UBL3: variants seen among roughly 807,000 people sequenced by gnomAD.
UBL3 encodes the protein ubiquitin-like protein 3.
UBL3 carries 6 observed loss-of-function variants against 18.4 expected under a neutral mutation model. The observed-to-expected ratio is 0.33, with a 90% CI of 0.18 to 0.64. UBL3 has a LOEUF of 0.64. Ranked by LOEUF, UBL3 falls within the 30% of genes least tolerant of loss-of-function variation. The pLI is 0.76. For synonymous variants in UBL3, 49 were observed against 46.6 expected (o/e 1.05, Z -0.21); for missense variants, 109 against 142.9 (o/e 0.76, Z 1.21).
In UBL3 at chr13:29,849,801, G is replaced by C. The variant is rs769035750; in HGVS notation, c.-263C>G. 9.8e-5 allele frequency: 56 copies of C among 571,698 alleles called. 1 individual carries two copies. The Middle Eastern group carries it at 1.4e-3, about 14-fold the overall frequency. 35.4% of individuals were successfully genotyped at this position (571,698 alleles called of 1,614,324 possible). A position where few individuals can be genotyped will look rare whatever the true frequency, so the allele number is the denominator to read the frequency against. On this transcript the variant is annotated 5_prime_UTR_variant, in exon 1 of 5. Transcript: ENST00000380680. ...GGCAGCCCCCGTCGTCGTCGTCGTC[G>C]TCAACAGCAGCAGCAGCCCCAGGAC...
At chr13:29,837,896 C>A (rs1451757524) in intron 1 of UBL3, among the ~76,000 whole-genome samples, 1 of 134,044 alleles carries the variant, frequency 7.5e-6, no homozygotes, top group Non-Finnish European at 1.6e-5. Context: ...CACCACTGCA[C>A]ACCAGCAAGA....
chr13:29,838,445 CACT>C (rs1020323880), intron 1 of UBL3, among the ~76,000 whole-genome samples: 1 of 152,056 alleles, frequency 6.6e-6, no homozygotes, highest in African/African-American at 2.4e-5. Flanking sequence ...CTCTTATTAC[CACT>C]GTTATAATTA....
chr13:29,817,589 T>C (rs573993433), intron 1 of UBL3, among the ~76,000 whole-genome samples: 100 of 152,280 alleles, frequency 6.6e-4, no homozygotes, highest in African/African-American at 2.3e-3. Context: ...AGGTTTTCTA[T>C]TTTTTTCAAT....
chr13:29,823,745 G>A (rs1878539954), intron 1 of UBL3, among the ~76,000 whole-genome samples: 2 of 151,822 alleles, frequency 1.3e-5, no homozygotes, highest in African/African-American at 2.4e-5. Context: ...AAGTTCTAGG[G>A]TACATGCGCA....
At chr13:29,773,665 GTGTAA>G (rs1876905590) in intron 2 of UBL3, among the ~76,000 whole-genome samples, 1 of 151,920 alleles carries the variant, frequency 6.6e-6, no homozygotes, top group Admixed American at 6.6e-5. Flanking sequence ...TACTTCACTG[GTGTAA>G]TATGCTATCT....
chr13:29,782,783 G>A (rs868319530), intron 1 of UBL3, among the ~76,000 whole-genome samples: 1 of 152,176 alleles, frequency 6.6e-6, no homozygotes, highest in Non-Finnish European at 1.5e-5. Flanking sequence ...AACAGTAACT[G>A]TGTAAATACA....
Position 29,772,139 on chromosome 13 carries a change from A to T in UBL3, c.196T>A (p.Phe66Ile), listed in dbSNP as rs1876857964. Reference sequence around the variant, plus strand: ...CCTAATGTGACATTTCCATGTAGAAATCGTCCTTGATAAATAAGTCGTAGA... The same window carrying T: ...CCTAATGTGACATTTCCATGTAGAATTCGTCCTTGATAAATAAGTCGTAGA... ...NILRLIYQGR[F>I]LHGNVTLGAL... Residue 66 changes from phenylalanine (F) to isoleucine (I), a missense_variant, in exon 3 of 5, where the codon TTT becomes ATT. Transcript: ENST00000380680. The T allele has an allele frequency of 6.2e-7, 1 of 1,611,948 alleles. No individual in the cohort carries two copies. Among genetic ancestry groups the T allele is most frequent in the Non-Finnish European group, 8.5e-7 (1 of 1,178,640 alleles).
At chr13:29,806,104 G>C (rs1462851800) in intron 1 of UBL3, among the ~76,000 whole-genome samples, 2 of 152,304 alleles carry the variant, frequency 1.3e-5, no homozygotes, top group Non-Finnish European at 2.9e-5. Flanking sequence ...TTGAGCCCAC[G>C]AGGCAGAGGT....
chr13:29,835,733 A>T (rs2761940), intron 1 of UBL3, among the ~76,000 whole-genome samples: 3 of 142,264 alleles, frequency 2.1e-5, no homozygotes, highest in African/African-American at 8.0e-5. Flanking sequence ...CCAGCCTGGC[A>T]ACAGAGCTAG....
chr13:29,769,451 C>T (rs1354124789), intron 3 of UBL3, among the ~76,000 whole-genome samples: 1 of 152,048 alleles, frequency 6.6e-6, no homozygotes, highest in Non-Finnish European at 1.5e-5. Flanking sequence ...TCTCCTATGA[C>T]ACAGTACAAT....
intron 1 of UBL3, among the ~76,000 whole-genome samples, chr13:29,840,819 G>A (rs1879078723): frequency 6.6e-6 from 1 of 152,146 alleles, no homozygotes; most frequent in Admixed American, 6.5e-5. Context: ...GCTTCTAAAT[G>A]CTCATGAATA....
At chr13:29,772,509 T>C (rs1394563538) in intron 2 of UBL3, among the ~76,000 whole-genome samples, 1 of 152,042 alleles carries the variant, frequency 6.6e-6, no homozygotes, top group African/African-American at 2.4e-5. Context: ...TAAAAAGAAA[T>C]ATCATTTTAA....
chr13:29,812,832 C>T (rs1284308385), intron 1 of UBL3, among the ~76,000 whole-genome samples: 1 of 151,950 alleles, frequency 6.6e-6, no homozygotes, highest in African/African-American at 2.4e-5. Flanking sequence ...AGGTAAAACA[C>T]TATCAATAAT....
intron 1 of UBL3, among the ~76,000 whole-genome samples, chr13:29,831,465 G>A (rs539147770): frequency 7.2e-5 from 11 of 152,138 alleles, no homozygotes; most frequent in African/African-American, 2.6e-4. Flanking sequence ...GTGCATGCCT[G>A]TAATCCCAGC....
intron 1 of UBL3, among the ~76,000 whole-genome samples, chr13:29,838,267 A>G (rs1342472698): frequency 6.6e-6 from 1 of 152,184 alleles, no homozygotes; most frequent in Non-Finnish European, 1.5e-5. Context: ...TTTTCAGGCA[A>G]ACCAAAACAG....
chr13:29,838,275 C>G (rs1397301491), intron 1 of UBL3, among the ~76,000 whole-genome samples: 1 of 152,022 alleles, frequency 6.6e-6, no homozygotes, highest in Non-Finnish European at 1.5e-5. Context: ...CAAACCAAAA[C>G]AGGGAATTCA....
In UBL3 at chr13:29,840,988, A is replaced by G. The variant is rs1275356748; in HGVS notation, c.27+8524T>C. ...CTAAACTTGATTTAACATGACAATG[A>G]GAATAGCAGGATACAAAAGCAAGAC... On this transcript the variant is annotated intron_variant, in intron 1 of 4. Transcript: ENST00000380680. Among the ~76,000 whole-genome samples, 3 of 152,200 alleles carry G rather than the reference A, an allele frequency of 2.0e-5. No homozygotes were observed. The East Asian group carries it at 5.8e-4, about 29-fold the overall frequency.
intron 1 of UBL3, among the ~76,000 whole-genome samples, chr13:29,804,619 C>G (rs992495489): frequency 1.3e-5 from 2 of 152,006 alleles, no homozygotes; most frequent in Non-Finnish European, 2.9e-5. Context: ...GGGAGCATCA[C>G]CACTGACCCC....
At chr13:29,785,140 A>T (rs904085439) in intron 1 of UBL3, among the ~76,000 whole-genome samples, 2 of 152,184 alleles carry the variant, frequency 1.3e-5, no homozygotes, top group Non-Finnish European at 2.9e-5. Flanking sequence ...TCCTGACCTC[A>T]GGTGATCCAC....
Sources: gnomAD v4.1 joint callset for allele counts (sites outside exome capture counted in the v4.1 genomes callset) on GRCh38, gnomAD v4.1.1 for gene constraint, MANE v1.5 for transcripts, NCBI Gene and HGNC (gene_info 2026-07-23, HGNC 2026-07-21) for gene names.